Variants in RBFOX1 observed in about 807,000 individuals in gnomAD.
RBFOX1 encodes RNA binding protein fox-1 homolog 1.
RBFOX1 carries 8 observed loss-of-function variants against 57.7 expected under a neutral mutation model. The ratio of observed to expected loss-of-function variants is 0.14; its 90% CI spans 0.08 to 0.25. The LOEUF (loss-of-function observed/expected upper bound fraction) is 0.25, where lower values mean the gene tolerates loss of function less well. RBFOX1 is among the 10% of genes least tolerant of loss of function. RBFOX1 has a pLI of 1.00. For synonymous variants in RBFOX1, 326 were observed against 222.4 expected (o/e 1.47, Z -4.15); for missense variants, 611 against 548.5 (o/e 1.11, Z -1.14).
intron 3 of RBFOX1, among the ~76,000 whole-genome samples, chr16:6,681,698 A>T (rs540652762): frequency 1.3e-5 from 2 of 152,026 alleles, no homozygotes; most frequent in African/African-American, 4.8e-5. Context: ...TCTTTCTCCA[A>T]TGAGTAAAAT....
intron 4 of RBFOX1, among the ~76,000 whole-genome samples, chr16:5,881,979 C>T (rs1393888902): frequency 6.6e-6 from 1 of 152,162 alleles, no homozygotes; most frequent in African/African-American, 2.4e-5. Context: ...CCCTTGGTGC[C>T]AGGTTTATTA....
At chr16:6,326,283 TATC>T (rs1204656598) in intron 2 of RBFOX1, among the ~76,000 whole-genome samples, 1 of 152,206 alleles carries the variant, frequency 6.6e-6, no homozygotes, top group Non-Finnish European at 1.5e-5. Context: ...GTACTGAGGA[TATC>T]ATAGTAAACA....
chr16:6,860,375 G>A (rs1206234540), intron 3 of RBFOX1, among the ~76,000 whole-genome samples: 1 of 152,160 alleles, frequency 6.6e-6, no homozygotes, highest in East Asian at 1.9e-4. Flanking sequence ...GAAAGCATTT[G>A]TTATTTCAAA....
chr16:6,770,803 CAG>C (rs2078162717), intron 3 of RBFOX1, among the ~76,000 whole-genome samples: 1 of 152,076 alleles, frequency 6.6e-6, no homozygotes, highest in South Asian at 2.1e-4. Flanking sequence ...CTTTATATGA[CAG>C]GGAGGAAATG....
chr16:5,309,069 A>T (rs952621119), intron 1 of RBFOX1, among the ~76,000 whole-genome samples: 1 of 152,106 alleles, frequency 6.6e-6, no homozygotes, highest in East Asian at 1.9e-4. Context: ...CAACTTCTTT[A>T]AACACACTCC....
chr16:6,768,900 T>C (rs945030292), intron 3 of RBFOX1, among the ~76,000 whole-genome samples: 1 of 152,200 alleles, frequency 6.6e-6, no homozygotes, highest in East Asian at 1.9e-4. Flanking sequence ...GGCTAATTTT[T>C]GTATTTTTAG....
intron 6 of RBFOX1, among the ~76,000 whole-genome samples, chr16:7,585,694 C>T (rs2094075478): frequency 6.6e-6 from 1 of 152,160 alleles, no homozygotes; most frequent in African/African-American, 2.4e-5. Context: ...ATTCAAGTGG[C>T]ATATACATTT....
chr16:5,629,831 C>T (rs182972580), intron 3 of RBFOX1, among the ~76,000 whole-genome samples: 5 of 152,192 alleles, frequency 3.3e-5, no homozygotes, highest in Non-Finnish European at 5.9e-5. Flanking sequence ...AGTCCATTAG[C>T]ACTGGAGTGA....
At chr16:6,786,447 T>C (rs1161933112) in intron 3 of RBFOX1, among the ~76,000 whole-genome samples, 1 of 152,088 alleles carries the variant, frequency 6.6e-6, no homozygotes, top group Non-Finnish European at 1.5e-5. Flanking sequence ...AGAAACATTT[T>C]TACAGGGAAA....
rs73530749 is a variant in RBFOX1, at chr16:6,785,952, C to G, written c.-16+131302C>G. ...ACCTTGTGTACATGCATGTGACTTC[C>G]CAGGTGGCACTTACCAACAGACCAT... On this transcript the variant is annotated intron_variant, in intron 3 of 15. Coordinates refer to ENST00000550418, the MANE Select transcript of RBFOX1 (RefSeq NM_018723.4). Among the ~76,000 whole-genome samples the G allele has an allele frequency of 1.5e-3, 233 of 152,294 alleles. 3 individuals are homozygous for G. The highest frequency in any genetic ancestry group is 5.4e-3 in the African/African-American group (226 of 41,576).
At chr16:5,854,523 T>A (rs929859019) in intron 3 of RBFOX1, among the ~76,000 whole-genome samples, 2 of 152,058 alleles carry the variant, frequency 1.3e-5, no homozygotes, top group African/African-American at 4.8e-5. Context: ...CCTTTAAGGC[T>A]GAATAATGGT....
intron 4 of RBFOX1, among the ~76,000 whole-genome samples, chr16:7,220,643 CT>C (rs1460468494): frequency 6.6e-6 from 1 of 152,156 alleles, no homozygotes; most frequent in African/African-American, 2.4e-5. Context: ...GTTACCTGGA[CT>C]TTTGAATTAT....
intron 3 of RBFOX1, among the ~76,000 whole-genome samples, chr16:6,865,228 C>A (rs7197636): frequency 6.6e-6 from 1 of 151,670 alleles, no homozygotes; most frequent in Non-Finnish European, 1.5e-5. Context: ...GTCTCGAACT[C>A]CTGACCTCAG....
chr16:7,376,029 A>G (rs181332133), intron 4 of RBFOX1, among the ~76,000 whole-genome samples: 3 of 152,322 alleles, frequency 2.0e-5, no homozygotes, highest in Admixed American at 2.0e-4. Context: ...ACACTCAGAC[A>G]TGAGGTTTGG....
intron 1 of RBFOX1, among the ~76,000 whole-genome samples, chr16:6,136,411 G>A (rs1395731666): frequency 6.6e-6 from 1 of 152,128 alleles, no homozygotes. Flanking sequence ...TAGGAAACAA[G>A]TTGAGACATA....
intron 3 of RBFOX1, among the ~76,000 whole-genome samples, chr16:6,915,769 C>G (rs2073009728): frequency 1.3e-5 from 2 of 152,164 alleles, no homozygotes; most frequent in Non-Finnish European, 2.9e-5. Context: ...CCATGCTGCC[C>G]TCAAGCACCT....
At chr16:6,868,419 A>G (rs536863796) in intron 3 of RBFOX1, among the ~76,000 whole-genome samples, 1 of 152,262 alleles carries the variant, frequency 6.6e-6, no homozygotes, top group African/African-American at 2.4e-5. Flanking sequence ...CAAATTGGTA[A>G]AGTTGCCAGG....
intron 2 of RBFOX1, among the ~76,000 whole-genome samples, chr16:5,560,615 A>G (rs1172631850): frequency 4.6e-5 from 7 of 152,294 alleles, no homozygotes; most frequent in South Asian, 2.1e-4. Context: ...TGCAGTATGT[A>G]TTTATTGAAT....
chr16:6,656,325 C>T (rs1434354984), intron 3 of RBFOX1, among the ~76,000 whole-genome samples: 1 of 152,054 alleles, frequency 6.6e-6, no homozygotes, highest in African/African-American at 2.4e-5. Context: ...ATTTAATTGC[C>T]AATAGTGCTT....
Sources: allele counts gnomAD v4.1 joint callset (sites outside exome capture counted in the v4.1 genomes callset), GRCh38; gene constraint gnomAD v4.1.1; transcripts MANE v1.5; gene names NCBI Gene and HGNC (gene_info 2026-07-23, HGNC 2026-07-21).